JAKMIP2: variants seen among roughly 807,000 people sequenced by gnomAD.
JAKMIP2 encodes janus kinase and microtubule interacting protein 2, also known as janus kinase and microtubule-interacting protein 2.
A neutral mutation model predicts 115.0 loss-of-function variants in JAKMIP2; 25 were observed. That is an observed-to-expected ratio of 0.22 (90% confidence interval 0.16 to 0.30). The LOEUF is 0.30. JAKMIP2 is among the 10% of genes least tolerant of loss of function. The pLI is 1.00. For missense variants in JAKMIP2, 642 were observed against 957.6 expected (o/e 0.67, Z 4.35); for synonymous variants, 334 against 343.6 (o/e 0.97, Z 0.31).
intron 1 of JAKMIP2, among the ~76,000 whole-genome samples, chr5:147,697,025 A>G (rs1446821678): frequency 1.7e-4 from 26 of 152,240 alleles, no homozygotes; most frequent in Admixed American, 1.2e-3. Context: ...AATAGAAAAG[A>G]AAAACCCATT....
At chr5:147,738,727 A>G (rs1561569220) in intron 1 of JAKMIP2, among the ~76,000 whole-genome samples, 1 of 152,192 alleles carries the variant, frequency 6.6e-6, no homozygotes, top group Non-Finnish European at 1.5e-5. Flanking sequence ...AAAAAGGTGA[A>G]GTTTAGTCAA....
At chr5:147,700,632 T>C (rs895512180) in intron 1 of JAKMIP2, among the ~76,000 whole-genome samples, 11 of 152,140 alleles carry the variant, frequency 7.2e-5, no homozygotes, top group African/African-American at 2.7e-4. Context: ...TGTATTTGTT[T>C]CCCCATTTTG....
chr5:147,702,662 AAGAGAG>A lies in JAKMIP2; in HGVS notation c.-148-30714_-148-30709del, dbSNP rs778480596. On this transcript the variant is annotated intron_variant, in intron 1 of 21. Transcript: ENST00000616793. Reference sequence around the variant, plus strand: ...AAAGAAAGAAAGAAAGAAAGAAAGAAAGAGAGAGAAAGAAAGAGAAAGAAAGAAAAG... The same window carrying A: ...AAAGAAAGAAAGAAAGAAAGAAAGAAAGAAAGAAAGAGAAAGAAAGAAAAG... Among the ~76,000 whole-genome samples, 561 of 104,846 alleles carry A rather than the reference AAGAGAG, an allele frequency of 5.4e-3. 16 individuals are homozygous for A. Among genetic ancestry groups the A allele is most frequent in the African/African-American group, 0.011 (237 of 21,828 alleles). The allele number at this position is 104,846 out of a possible 152,430, so 68.8% of individuals were successfully genotyped here. A position where few individuals can be genotyped will look rare whatever the true frequency, so the allele number is the denominator to read the frequency against.
intron 1 of JAKMIP2, among the ~76,000 whole-genome samples, chr5:147,729,089 G>A (rs940542276): frequency 6.6e-6 from 1 of 152,144 alleles, no homozygotes; most frequent in African/African-American, 2.4e-5. Context: ...GTGTAAGGGA[G>A]AAGGGAAGGA....
intron 2 of JAKMIP2, chr5:147,661,812 A>C: frequency 4.3e-6 from 1 of 230,616 alleles, no homozygotes. Context: ...ACAAATCCCC[A>C]TGTGATTGGT....
chr5:147,673,158 A>G (rs1175027951), intron 1 of JAKMIP2, among the ~76,000 whole-genome samples: 2 of 152,174 alleles, frequency 1.3e-5, no homozygotes, highest in African/African-American at 4.8e-5. Context: ...AATTGTGGCA[A>G]GAGGAGAGAA....
intron 18 of JAKMIP2, 94 bp from the exon 19 acceptor site, chr5:147,618,208 C>G: frequency 1.2e-6 from 1 of 868,202 alleles, no homozygotes; most frequent in Non-Finnish European, 1.9e-6. Context: ...ATATGGCTGC[C>G]AACTTTAGGC....
chr5:147,730,259 T>A (rs1055301271), intron 1 of JAKMIP2, among the ~76,000 whole-genome samples: 2 of 152,182 alleles, frequency 1.3e-5, no homozygotes, highest in African/African-American at 4.8e-5. Flanking sequence ...AAAGATTCTT[T>A]GCCTGGCCAA....
intron 8 of JAKMIP2, among the ~76,000 whole-genome samples, chr5:147,641,212 A>G (rs987733260): frequency 6.6e-6 from 1 of 152,236 alleles, no homozygotes; most frequent in African/African-American, 2.4e-5. Flanking sequence ...CCAAGTCCAC[A>G]TTAAAAACCA....
chr5:147,654,497 T>C (rs1004335683), intron 3 of JAKMIP2, among the ~76,000 whole-genome samples: 4 of 152,148 alleles, frequency 2.6e-5, no homozygotes, highest in Admixed American at 2.0e-4. Flanking sequence ...AGTTTATTCA[T>C]GATTTGGCTC....
At chr5:147,749,228 A>G (rs1754461577) in intron 1 of JAKMIP2, among the ~76,000 whole-genome samples, 1 of 151,690 alleles carries the variant, frequency 6.6e-6, no homozygotes, top group African/African-American at 2.4e-5. Flanking sequence ...AGGGCTAAAC[A>G]ATAACAGCAA....
At position 147,725,224 on chromosome 5, in the gene JAKMIP2, G is replaced by A. The variant is rs190468424; in HGVS notation, c.-148-53270C>T. Among the ~76,000 whole-genome samples, 539 of 152,116 alleles carry A rather than the reference G, an allele frequency of 3.5e-3. 1 individual carries two copies. The highest frequency in any genetic ancestry group is 0.012 in the African/African-American group (484 of 41,500). ...TGGTCCAAAAATGGGATAAACTCTC[G>A]GTTCCGGGAACTGCCCACCCCTTTC... On this transcript the variant is annotated intron_variant, in intron 1 of 21. Coordinates refer to ENST00000616793, the MANE Select transcript of JAKMIP2 (RefSeq NM_001270941.2).
At chr5:147,656,177 G>A (rs1758662655) in intron 3 of JAKMIP2, among the ~76,000 whole-genome samples, 1 of 152,164 alleles carries the variant, frequency 6.6e-6, no homozygotes, top group Non-Finnish European at 1.5e-5. Flanking sequence ...ATGTTGATCT[G>A]GAATAGAGAG....
intron 5 of JAKMIP2, among the ~76,000 whole-genome samples, chr5:147,645,847 A>C (rs1758108086): frequency 6.6e-6 from 1 of 152,194 alleles, no homozygotes; most frequent in Non-Finnish European, 1.5e-5. Flanking sequence ...AATCGCCTGT[A>C]GTTGGGAACC....
intron 1 of JAKMIP2, among the ~76,000 whole-genome samples, chr5:147,695,373 T>TC (rs1016621224): frequency 6.6e-6 from 1 of 152,096 alleles, no homozygotes; most frequent in Non-Finnish European, 1.5e-5. Flanking sequence ...TTTCATAGAC[T>TC]CCAGATAGAT....
At chr5:147,680,127 G>C (rs551567314) in intron 1 of JAKMIP2, among the ~76,000 whole-genome samples, 17 of 152,284 alleles carry the variant, frequency 1.1e-4, no homozygotes, top group African/African-American at 3.8e-4. Flanking sequence ...AGGAATAAAT[G>C]AGTTAAAGTA....
At chr5:147,600,384 T>A (rs1755635322) in intron 21 of JAKMIP2, among the ~76,000 whole-genome samples, 1 of 152,148 alleles carries the variant, frequency 6.6e-6, no homozygotes, top group Non-Finnish European at 1.5e-5. Flanking sequence ...TGTATCAGGT[T>A]ATTCTAAAGC....
rs1674157926 is a variant in JAKMIP2, at chr5:147,587,545, C to T, written c.*4162G>A. On this transcript the variant is annotated 3_prime_UTR_variant, in exon 22 of 22. Transcript: ENST00000616793. ...GTCCATCTATCTTGATGTAATATAACACAGATGATCCAATTATTTAAACAT... is the reference window on the plus strand; with the variant it reads ...GTCCATCTATCTTGATGTAATATAATACAGATGATCCAATTATTTAAACAT... The T allele has an allele frequency of 6.6e-6, 1 of 152,058 alleles. No individual in the cohort carries two copies. The highest frequency in any genetic ancestry group is 2.1e-4 in the South Asian group (1 of 4,812). 9.4% of individuals were successfully genotyped at this position (152,058 alleles called of 1,614,324 possible).
rs779923920 is a variant in JAKMIP2 at position 147,644,039 on chromosome 5, C to T, written c.1224+19G>A. 9 of 1,522,108 alleles carry T rather than the reference C, an allele frequency of 5.9e-6. No homozygotes were observed. The highest frequency in any genetic ancestry group is 7.1e-6 in the Non-Finnish European group (8 of 1,123,318). 94.3% of individuals were successfully genotyped at this position (1,522,108 alleles called of 1,614,324 possible). On this transcript the variant is annotated intron_variant, in intron 7 of 21. Coordinates refer to ENST00000616793, the MANE Select transcript of JAKMIP2 (RefSeq NM_001270941.2). ...GTCCTTGGGAACAACTTAGGGTTTA[C>T]AGATTGATTGACACGTACCCTTGTG... is the stretch of plus-strand genomic sequence containing the variant.
Sources: gnomAD v4.1 joint callset for allele counts (sites outside exome capture counted in the v4.1 genomes callset) on GRCh38, gnomAD v4.1.1 for gene constraint, MANE v1.5 for transcripts, NCBI Gene and HGNC (gene_info 2026-07-23, HGNC 2026-07-21) for gene names.